Variants in HDLBP observed in about 807,000 individuals in gnomAD.
The protein encoded by HDLBP is high density lipoprotein binding protein, also known as vigilin.
In HDLBP, 30 loss-of-function variants were observed where a neutral mutation model predicts 137.3. The observed-to-expected ratio is 0.22, with a 90% confidence interval of 0.16 to 0.30. The LOEUF (loss-of-function observed/expected upper bound fraction) is 0.30. Among genes scored for constraint, HDLBP ranks in the 10% least tolerant of loss-of-function variants. The probability of loss-of-function intolerance (pLI) is 1.00; values close to 1 mark genes in which losing one functional copy is unlikely to be tolerated. For missense variants in HDLBP, 1,119 were observed against 1,667.3 expected (o/e 0.67, Z 5.73); for synonymous variants, 606 against 596.0 (o/e 1.02, Z -0.24).
chr2:241,270,984 A>C (rs970647131), intron 1 of HDLBP: 1 of 984,942 alleles, frequency 1.0e-6, no homozygotes, highest in Non-Finnish European at 1.2e-6. Flanking sequence ...CACCAGGGAC[A>C]GGAAATTCAT....
intron 1 of HDLBP, among the ~76,000 whole-genome samples, chr2:241,287,156 G>A (rs961532529): frequency 6.6e-6 from 1 of 152,122 alleles, no homozygotes; most frequent in Admixed American, 6.5e-5. Context: ...TACTGCCCAG[G>A]CTGGAGTGCA....
chr2:241,248,917 C>T (rs1190676559), intron 12 of HDLBP, among the ~76,000 whole-genome samples: 1 of 152,140 alleles, frequency 6.6e-6, no homozygotes, highest in Non-Finnish European at 1.5e-5. Flanking sequence ...GGGAAGAACA[C>T]CAACAGCCAA....
chr2:241,313,365 C>T (rs537509204), intron 1 of HDLBP, among the ~76,000 whole-genome samples: 2 of 152,242 alleles, frequency 1.3e-5, no homozygotes, highest in Admixed American at 6.5e-5. Context: ...CTGCAACCTC[C>T]GCCTCCTGGG....
rs1254005009 is a variant in HDLBP at position 241,235,537 on chromosome 2, T to C, written c.2962A>G (p.Ile988Val). Residue 988 changes from isoleucine to valine, a missense_variant, in exon 22 of 28, where the codon ATT (isoleucine) becomes GTT (valine). Coordinates refer to ENST00000310931, the MANE Select transcript of HDLBP (RefSeq NM_005336.6). Reference protein sequence around the residue: ...EVPFDLHRYVIGQKGSGIRKM... With the variant: ...EVPFDLHRYVVGQKGSGIRKM... ...CGGATCCCACTTCCTTTCTGCCCAA[T>C]AACGTAACGGTGAAGGTCAAAGGGC... The C allele has an allele frequency of 4.3e-6, 7 of 1,614,082 alleles. No individual in the cohort carries two copies. The highest frequency in any genetic ancestry group is 5.9e-6 in the Non-Finnish European group (7 of 1,179,992).
chr2:241,310,040 G>C (rs1050316742), intron 1 of HDLBP, among the ~76,000 whole-genome samples: 8 of 152,152 alleles, frequency 5.3e-5, no homozygotes, highest in Non-Finnish European at 1.2e-4. Context: ...GCCCAGAAAA[G>C]GCTGACAAAA....
intron 16 of HDLBP, chr2:241,246,447 T>A (rs2071688844): frequency 3.2e-6 from 1 of 308,648 alleles, no homozygotes; most frequent in Non-Finnish European, 6.0e-6. Flanking sequence ...TGTCAATTTT[T>A]TTTAAAGGAA....
chr2:241,297,535 T>A (rs978435716), intron 1 of HDLBP, among the ~76,000 whole-genome samples: 2 of 152,208 alleles, frequency 1.3e-5, no homozygotes, highest in African/African-American at 2.4e-5. Context: ...GTTTTGTATA[T>A]GTATGTATAC....
Position 241,248,358 on chromosome 2 carries a change from C to G in HDLBP, c.1513-10G>C. 6.3e-7 allele frequency: 1 copy of G among 1,595,370 alleles called. No individual in the cohort carries two copies. Among genetic ancestry groups the G allele is most frequent in the African/African-American group, 1.3e-5 (1 of 74,688 alleles). On this transcript the variant is annotated splice_polypyrimidine_tract_variant and intron_variant, in intron 12 of 27. Coordinates refer to ENST00000310931, the MANE Select transcript of HDLBP (RefSeq NM_005336.6). ...TGGTACGCTCATTTTCCTAAAAATA[C>G]AATTAAAGTAGATGTCATTTATCAC...
intron 1 of HDLBP, among the ~76,000 whole-genome samples, chr2:241,308,786 T>TG (rs1464493652): frequency 1.3e-5 from 2 of 152,110 alleles, no homozygotes; most frequent in East Asian, 3.9e-4. Flanking sequence ...CTCCTACAGG[T>TG]GACAGGAAAA....
chr2:241,284,899 G>C (rs1018901243), intron 1 of HDLBP, among the ~76,000 whole-genome samples: 1 of 152,146 alleles, frequency 6.6e-6, no homozygotes, highest in Non-Finnish European at 1.5e-5. Context: ...TTTTGAGATG[G>C]AGTCTCACTC....
At chr2:241,268,108 G>A (rs181871735) in intron 2 of HDLBP, among the ~76,000 whole-genome samples, 1 of 152,094 alleles carries the variant, frequency 6.6e-6, no homozygotes, top group Non-Finnish European at 1.5e-5. Flanking sequence ...AAGTAATAAG[G>A]AGTGAATTTT....
chr2:241,236,551 G>C, intron 21 of HDLBP, 64 bp downstream of exon 21: 1 of 1,550,582 alleles, frequency 6.4e-7, no homozygotes, highest in Non-Finnish European at 8.9e-7. Flanking sequence ...CAGGCCACGC[G>C]TCTCCCCAGG....
chr2:241,241,969 T>C (rs2071280991), intron 17 of HDLBP, among the ~76,000 whole-genome samples: 1 of 152,108 alleles, frequency 6.6e-6, no homozygotes, highest in African/African-American at 2.4e-5. Flanking sequence ...GCAAGGGGTG[T>C]AGAACAGCCA....
intron 1 of HDLBP, among the ~76,000 whole-genome samples, chr2:241,301,007 C>T (rs1247270891): frequency 6.6e-6 from 1 of 150,698 alleles, no homozygotes; most frequent in African/African-American, 2.4e-5. Flanking sequence ...AGACGAGTCT[C>T]ACTCTGTCAC....
At chr2:241,257,382 G>A (rs975392456) in intron 5 of HDLBP, among the ~76,000 whole-genome samples, 6 of 152,134 alleles carry the variant, frequency 3.9e-5, no homozygotes, top group East Asian at 3.9e-4. Context: ...ACAGGCGTGC[G>A]CCACCATGCC....
In HDLBP at chr2:241,256,376, T is replaced by C. The variant is rs1403924843; in HGVS notation, c.681A>G (p.Leu227=). ...AEQDKRAVER[L]EVEKAFHPFI... ...AGGGGTGGAATGCCTTTTCTACTTC[T>C]AGCCTCTCCACAGCACGTTTGTCCT... The change falls in exon 7 of 28, where the codon CTA becomes CTG. Residue 227 remains leucine, a synonymous_variant. Coordinates refer to ENST00000310931, the MANE Select transcript of HDLBP (RefSeq NM_005336.6). 9.9e-6 allele frequency: 16 copies of C among 1,611,758 alleles called. No homozygotes were observed. Among genetic ancestry groups the C allele is most frequent in the Non-Finnish European group, 1.4e-5 (16 of 1,178,554 alleles).
chr2:241,300,143 CA>C (rs2075341011), intron 1 of HDLBP, among the ~76,000 whole-genome samples: 1 of 152,082 alleles, frequency 6.6e-6, no homozygotes, highest in Non-Finnish European at 1.5e-5. Flanking sequence ...AAAGCCACAG[CA>C]CAACCTAGAT....
intron 1 of HDLBP, among the ~76,000 whole-genome samples, chr2:241,301,546 A>C (rs1247023526): frequency 6.6e-6 from 1 of 152,192 alleles, no homozygotes; most frequent in Admixed American, 6.5e-5. Flanking sequence ...ACTGGGGTGA[A>C]TACTACACAC....
At chr2:241,289,033 C>CT (rs2074925068) in intron 1 of HDLBP, among the ~76,000 whole-genome samples, 1 of 152,226 alleles carries the variant, frequency 6.6e-6, no homozygotes. Context: ...ATAAAGAACT[C>CT]TGTTATGGAT....
Sources: gnomAD v4.1 joint callset for allele counts (sites outside exome capture counted in the v4.1 genomes callset) on GRCh38, gnomAD v4.1.1 for gene constraint, MANE v1.5 for transcripts, NCBI Gene and HGNC (gene_info 2026-07-23, HGNC 2026-07-21) for gene names.